The following NTM variants were observed in gnomAD, a reference collection of about 807,000 sequenced individuals.
NTM encodes the protein neurotrimin, also known as IgLON family member 2.
Under a neutral mutation model 42.1 loss-of-function variants are expected in NTM, and 13 were observed. The ratio of observed to expected loss-of-function variants is 0.31; its 90% CI spans 0.20 to 0.49. NTM has a LOEUF of 0.49. Among genes scored for constraint, NTM ranks in the 20% least tolerant of loss-of-function variants. The probability of loss-of-function intolerance (pLI) is 0.99; values close to 1 mark genes in which losing one functional copy is unlikely to be tolerated. For missense variants in NTM, 373 were observed against 452.8 expected, an observed-to-expected ratio of 0.82 and a Z score of 1.60; for synonymous variants, 187 against 179.2, an observed-to-expected ratio of 1.04 and a Z score of -0.35.
At chr11:132,289,353 A>G (rs1193839622) in intron 4 of NTM, among the ~76,000 whole-genome samples, 1 of 152,216 alleles carries the variant, frequency 6.6e-6, no homozygotes, top group Non-Finnish European at 1.5e-5. Flanking sequence ...GGTTTACACA[A>G]GAGTTCAGTT....
intron 4 of NTM, among the ~76,000 whole-genome samples, chr11:132,294,915 G>A (rs372932135): frequency 6.6e-6 from 1 of 152,176 alleles, no homozygotes; most frequent in East Asian, 1.9e-4. Flanking sequence ...AGGGCACACT[G>A]CATGCCAAGG....
intron 2 of NTM, among the ~76,000 whole-genome samples, chr11:132,107,910 C>G (rs1275731074): frequency 4.6e-5 from 7 of 152,168 alleles, no homozygotes; most frequent in Non-Finnish European, 8.8e-5. Flanking sequence ...CCTGGAATCT[C>G]TTTCATAAAT....
intron 2 of NTM, among the ~76,000 whole-genome samples, chr11:132,099,587 A>T (rs1047016542): frequency 2.6e-5 from 4 of 152,154 alleles, no homozygotes; most frequent in African/African-American, 9.7e-5. Flanking sequence ...ATCAGTGGGT[A>T]TTGTTCTTAA....
At chr11:131,527,634 AT>A (rs1313704452) in intron 1 of NTM, among the ~76,000 whole-genome samples, 2 of 152,302 alleles carry the variant, frequency 1.3e-5, no homozygotes, top group East Asian at 3.9e-4. Context: ...ATCTTATGTA[AT>A]TTCTTTCTTT....
In NTM at chr11:131,503,004, AG is replaced by A. The variant is rs113569840; in HGVS notation, c.82+132118del. On this transcript the variant is annotated intron_variant, in intron 1 of 8. Coordinates refer to ENST00000683400, the MANE Select transcript of NTM (RefSeq NM_001352005.2). The stretch of plus-strand genomic sequence containing the variant: ...AGGGAAGATGAGGAAGTACAGACAG[AG>A]GAAACAGACAACTTTCTCAGGGAGG... 67 of 152,494 alleles carry A rather than the reference AG, an allele frequency of 4.4e-4. 1 individual carries two copies. The highest frequency in any genetic ancestry group is 1.6e-3 in the African/African-American group (66 of 41,590). The allele number at this position is 152,494 out of a possible 1,614,324, so 9.4% of individuals were successfully genotyped here.
chr11:131,968,710 A>G (rs770030166), intron 2 of NTM, among the ~76,000 whole-genome samples: 3 of 152,194 alleles, frequency 2.0e-5, no homozygotes, highest in East Asian at 1.9e-4. Flanking sequence ...GATATTTTAT[A>G]TCTAACAGGC....
chr11:132,054,755 T>C (rs1311689548), intron 2 of NTM, among the ~76,000 whole-genome samples: 2 of 152,218 alleles, frequency 1.3e-5, no homozygotes, highest in Non-Finnish European at 2.9e-5. Flanking sequence ...AATCTTGAAT[T>C]GAAAAAGTGA....
chr11:131,537,880 G>A (rs1459748565), intron 1 of NTM: 2 of 152,268 alleles, frequency 1.3e-5, no homozygotes, highest in African/African-American at 2.4e-5. Flanking sequence ...GTCACCCAGT[G>A]CTGCGCTGGT....
At chr11:131,508,570 A>G (rs2047808042) in intron 1 of NTM, among the ~76,000 whole-genome samples, 1 of 143,120 alleles carries the variant, frequency 7.0e-6, no homozygotes, top group Non-Finnish European at 1.5e-5. Flanking sequence ...ATGCTGCTAT[A>G]AAGACACATG....
At position 132,101,556 on chromosome 11, in the gene NTM, T is replaced by TGTGTGTGTGTGTGTGTGTG. The variant is rs1555261897; in HGVS notation, c.168-44726_168-44725insGTGTGTGTGTGTGTGTGTG. ...TTTGGATAGACCAAGGAACACAACC[T>TGTGTGTGTGTGTGTGTGTG]TGTGTGTGTGTGTGTGTGTGTGTGT... On this transcript the variant is annotated intron_variant, in intron 2 of 8. Coordinates refer to ENST00000683400, the MANE Select transcript of NTM (RefSeq NM_001352005.2). 3.6e-3 allele frequency among the ~76,000 whole-genome samples: 475 copies of TGTGTGTGTGTGTGTGTGTG among 131,118 alleles called. 4 individuals are homozygous for TGTGTGTGTGTGTGTGTGTG. The highest frequency in any genetic ancestry group is 0.012 in the South Asian group (51 of 4,272). The allele number at this position is 131,118 out of a possible 152,430, so 86.0% of individuals were successfully genotyped here. A position where few individuals can be genotyped will look rare whatever the true frequency, so the allele number is the denominator to read the frequency against.
At chr11:132,102,401 T>A (rs777891102) in intron 2 of NTM, among the ~76,000 whole-genome samples, 30 of 152,158 alleles carry the variant, frequency 2.0e-4, no homozygotes, top group Non-Finnish European at 4.3e-4. Context: ...AGAGAGTCAG[T>A]GTGCCTGAAG....
chr11:131,394,347 G>A (rs1295423890), intron 1 of NTM, among the ~76,000 whole-genome samples: 1 of 152,202 alleles, frequency 6.6e-6, no homozygotes, highest in Admixed American at 6.5e-5. Flanking sequence ...GCCTCCCAGG[G>A]AGATTCCCCA....
intron 1 of NTM, chr11:131,910,891 C>T (rs1046632018): frequency 4.1e-6 from 4 of 985,974 alleles, no homozygotes; most frequent in Non-Finnish European, 3.6e-6. Context: ...GCCCGGATCG[C>T]ACGAAGCCCG....
Position 132,152,306 on chromosome 11 carries a change from A to G in NTM, c.400+5792A>G, listed in dbSNP as rs552032092. On this transcript the variant is annotated intron_variant, in intron 3 of 8. Transcript: ENST00000683400. ...CTTCCCATTCAAGCGAGTCAATGGT[A>G]GAGGAAAACATCATGATCCAATTCG... Among the ~76,000 whole-genome samples the G allele has an allele frequency of 2.0e-5, 3 of 152,306 alleles. No individual in the cohort carries two copies. In the South Asian group the frequency reaches 6.2e-4, roughly 32 times the overall value.
Position 132,239,713 on chromosome 11 carries a change from C to T in NTM, c.526+27566C>T, listed in dbSNP as rs541038119. 9.2e-5 allele frequency among the ~76,000 whole-genome samples: 14 copies of T among 152,198 alleles called. No individual in the cohort carries two copies. The East Asian group carries it at 1.2e-3, about 13-fold the overall frequency. On this transcript the variant is annotated intron_variant, in intron 4 of 8. Coordinates refer to ENST00000683400, the MANE Select transcript of NTM (RefSeq NM_001352005.2). ...ACTTATAATGAATAGTTTTTATCTC[C>T]GGCCATACATATGAAGTGTGAGGGG...
chr11:131,912,351 A>G (rs1038346155), intron 2 of NTM, among the ~76,000 whole-genome samples: 1 of 152,074 alleles, frequency 6.6e-6, no homozygotes, highest in African/African-American at 2.4e-5. Flanking sequence ...CTGAAGAGAA[A>G]CTAGGTTTCA....
At chr11:132,117,618 A>C (rs973169499) in intron 2 of NTM, among the ~76,000 whole-genome samples, 1 of 152,196 alleles carries the variant, frequency 6.6e-6, no homozygotes, top group East Asian at 1.9e-4. Context: ...GATGTGATAT[A>C]CCAAAAATAA....
chr11:131,434,144 G>A (rs541745156), intron 1 of NTM, among the ~76,000 whole-genome samples: 1 of 152,278 alleles, frequency 6.6e-6, no homozygotes, highest in South Asian at 2.1e-4. Flanking sequence ...TTTTATGGCT[G>A]CATAATATTC....
At chr11:132,330,781 C>T (rs1485179351) in intron 8 of NTM, among the ~76,000 whole-genome samples, 2 of 152,218 alleles carry the variant, frequency 1.3e-5, no homozygotes, top group East Asian at 1.9e-4. Flanking sequence ...TAGGCCTCCG[C>T]AGCTCTCTAA....
Sources: allele counts gnomAD v4.1 joint callset (sites outside exome capture counted in the v4.1 genomes callset), GRCh38; gene constraint gnomAD v4.1.1; transcripts MANE v1.5; gene names NCBI Gene and HGNC (gene_info 2026-07-23, HGNC 2026-07-21).